Variants in DNAH10 observed in about 807,000 individuals in gnomAD.
The protein encoded by DNAH10 is dynein axonemal heavy chain 10.
In DNAH10, 348 loss-of-function variants were observed where a neutral mutation model predicts 506.6. The observed-to-expected ratio is 0.69, with a 90% CI of 0.63 to 0.75. The LOEUF is 0.75. Among genes scored for constraint, DNAH10 ranks in the 30% least tolerant of loss-of-function variants. The pLI is 0.00. For synonymous variants in DNAH10, 2,059 were observed against 2,198.6 expected (o/e 0.94, Z 1.78); for missense variants, 5,179 against 5,787.1 (o/e 0.89, Z 3.41).
Position 123,931,859 on chromosome 12 carries a change from T to C in DNAH10, c.13128+12T>C. 1 of 1,613,536 alleles carries C rather than the reference T, an allele frequency of 6.2e-7. No homozygotes were observed. Among genetic ancestry groups the C allele is most frequent in the Non-Finnish European group, 8.5e-7 (1 of 1,179,486 alleles). ...CTGAACTTCAAAGGGTGAGCCTGTC[T>C]CTCATGTGCAGATTACTGCCTAGAT... is the stretch of plus-strand genomic sequence containing the variant. On this transcript the variant is annotated intron_variant, in intron 75 of 78. Coordinates refer to ENST00000673944, the MANE Select transcript of DNAH10 (RefSeq NM_001372106.1).
chr12:123,825,244 G>A (rs929066067), intron 24 of DNAH10, among the ~76,000 whole-genome samples: 1 of 152,144 alleles, frequency 6.6e-6, no homozygotes, highest in Admixed American at 6.6e-5. Flanking sequence ...AAAAATCAAT[G>A]GAGTGTGGCC....
At chr12:123,883,285 T>G (rs1178932843) in intron 51 of DNAH10, among the ~76,000 whole-genome samples, 1 of 152,226 alleles carries the variant, frequency 6.6e-6, no homozygotes, top group African/African-American at 2.4e-5. Flanking sequence ...TTGAGGAACC[T>G]CCAGGGTGTG....
In DNAH10 at chr12:123,918,867, G is replaced by A. The variant is rs1954604854; in HGVS notation, c.11424G>A (p.Ser3808=). The A allele has an allele frequency of 6.2e-7, 1 of 1,613,842 alleles. No homozygotes were observed. The highest frequency in any genetic ancestry group is 8.5e-7 in the Non-Finnish European group (1 of 1,179,888). Residue 3808 remains serine (S), a synonymous_variant, in exon 65 of 79, where the codon TCG becomes TCA. Coordinates refer to ENST00000673944, the MANE Select transcript of DNAH10 (RefSeq NM_001372106.1). ...LEVFRLSLKK[S]LPDSILMKRL... ...TCTTCAGGCTGTCACTGAAGAAGTC[G>A]CTGCCTGATTCCATCCTCATGAAAC...
Position 123,918,820 on chromosome 12 carries a change from T to A in DNAH10, c.11377T>A (p.Ser3793Thr). 1 of 1,613,978 alleles carries A rather than the reference T, an allele frequency of 6.2e-7. No homozygotes were observed. The highest frequency in any genetic ancestry group is 8.5e-7 in the Non-Finnish European group (1 of 1,179,884). ...MALVNSMYQYSLIAFLEVFRL... is the reference protein window; with the variant it reads ...MALVNSMYQYTLIAFLEVFRL... Reference sequence around the variant, plus strand: ...CCTGGTGAACTCCATGTACCAGTACTCCCTGATTGCCTTCTTAGAGGTCTT... The same window carrying A: ...CCTGGTGAACTCCATGTACCAGTACACCCTGATTGCCTTCTTAGAGGTCTT... Residue 3793 changes from serine to threonine, a missense_variant, in exon 65 of 79, where the codon TCC becomes ACC. Ser to Thr is a moderately conservative substitution (Grantham distance 58). Around this residue, in one of 3 missense-constraint regions of DNAH10, gnomAD observed 4,844 missense variants for 5,430.5 expected, o/e 0.89. Coordinates refer to ENST00000673944, the MANE Select transcript of DNAH10 (RefSeq NM_001372106.1).
In DNAH10 at chr12:123,926,851, C is replaced by T. The variant is rs772792601; in HGVS notation, c.12105+31C>T. On this transcript the variant is annotated intron_variant, in intron 69 of 78. Transcript: ENST00000673944. This position sits in a 1 kb window ranked among gnomAD's most constrained non-coding sequence, Gnocchi z 4.1. Reference sequence around the variant, plus strand: ...TTGTGGCTGAAAGGAACAAGCTCTACGTTTAGGGGAGGTCCCTGGTGTCTG... The same window carrying T: ...TTGTGGCTGAAAGGAACAAGCTCTATGTTTAGGGGAGGTCCCTGGTGTCTG... 13 of 1,609,354 alleles carry T rather than the reference C, an allele frequency of 8.1e-6. No homozygotes were observed. The highest frequency in any genetic ancestry group is 2.2e-5 in the East Asian group (1 of 44,826).
chr12:123,866,176 C>T (rs981897313), intron 41 of DNAH10, 103 bp downstream of exon 41: 7 of 909,736 alleles, frequency 7.7e-6, no homozygotes, highest in Admixed American at 3.8e-5. Context: ...TGACTTTGTC[C>T]TTGACCTGCC....
chr12:123,885,104 G>A (rs999054163), intron 51 of DNAH10, among the ~76,000 whole-genome samples: 10 of 152,158 alleles, frequency 6.6e-5, no homozygotes, highest in African/African-American at 2.4e-4. Flanking sequence ...TGACCCCATC[G>A]TTAAGTTGAG....
intron 1 of DNAH10, among the ~76,000 whole-genome samples, chr12:123,763,533 C>T (rs1045547598): frequency 5.3e-5 from 8 of 150,412 alleles, no homozygotes; most frequent in Middle Eastern, 3.4e-3. Context: ...AGGTACCAGG[C>T]AGATTCATTT....
At position 123,813,307 on chromosome 12, in the gene DNAH10, T is replaced by C; in HGVS notation, c.3288T>C (p.Asn1096=). 6 of 1,614,178 alleles carry C rather than the reference T, an allele frequency of 3.7e-6. No individual in the cohort carries two copies. The highest frequency in any genetic ancestry group is 2.2e-5 in the South Asian group (2 of 91,084). ...IIEQAVMIPQ[N]VHRILINLMK... ...AACAAGCTGTTATGATCCCCCAAAA[T>C]GTCCACAGGATTCTGATCAATCTTA... Residue 1096 remains asparagine, a synonymous_variant, in exon 20 of 79, where the codon AAT becomes AAC. Transcript: ENST00000673944.
rs766527735 is a variant in DNAH10, at chr12:123,783,991, T to C, written c.1044T>C (p.Asn348=). The C allele has an allele frequency of 6.2e-7, 1 of 1,614,102 alleles. No homozygotes were observed. Among genetic ancestry groups the C allele is most frequent in the Non-Finnish European group, 8.5e-7 (1 of 1,180,052 alleles). Residue 348 remains asparagine, a synonymous_variant, in exon 8 of 79, where the codon AAT becomes AAC. Coordinates refer to ENST00000673944, the MANE Select transcript of DNAH10 (RefSeq NM_001372106.1). Reference sequence around the variant, plus strand: ...AAATTGAATTCTGGAGGGAAAGAAATGCAACCTTAAGTGCGCTGCATGAAC... The same window carrying C: ...AAATTGAATTCTGGAGGGAAAGAAACGCAACCTTAAGTGCGCTGCATGAAC... ...LAEIEFWRER[N]ATLSALHEQT... is the part of the protein sequence containing the mutation.
rs1311922617 is a variant in DNAH10 at position 123,783,104 on chromosome 12, T to G, written c.842-3T>G. On this transcript the variant is annotated splice_region_variant and splice_polypyrimidine_tract_variant and intron_variant, in intron 6 of 78. Transcript: ENST00000673944. The stretch of plus-strand genomic sequence containing the variant: ...GACTGACTGATCACTTTTATTTTCC[T>G]AGGTGAGATCAAGTTAGAAATGCCA... 1 of 1,614,008 alleles carries G rather than the reference T, an allele frequency of 6.2e-7. No individual in the cohort carries two copies.
rs765451790 is a variant in DNAH10 at position 123,923,882 on chromosome 12, T to C, written c.11611+15T>C. The C allele has an allele frequency of 1.3e-6, 2 of 1,559,204 alleles. No homozygotes were observed. The highest frequency in any genetic ancestry group is 2.3e-5 in the South Asian group (2 of 86,666). ...CTTTTTAAAAGGTAATGAATTTGCCTAGCTTCATTCCTCCCATCTCCTTGC... is the reference window on the plus strand; with the variant it reads ...CTTTTTAAAAGGTAATGAATTTGCCCAGCTTCATTCCTCCCATCTCCTTGC... On this transcript the variant is annotated intron_variant, in intron 66 of 78. Coordinates refer to ENST00000673944, the MANE Select transcript of DNAH10 (RefSeq NM_001372106.1).
rs570033112 is a variant in DNAH10, at chr12:123,917,494, C to T, written c.11003-90C>T. 50 of 1,332,814 alleles carry T rather than the reference C, an allele frequency of 3.8e-5. No homozygotes were observed. The East Asian group carries it at 6.0e-4, about 16-fold the overall frequency. 82.6% of individuals were successfully genotyped at this position (1,332,814 alleles called of 1,614,324 possible). ...TGCCTCTGGCCTGCTGGCTGAGACC[C>T]GCGCTAAGCTTGTCCCGTCACAGCA... On this transcript the variant is annotated intron_variant, in intron 63 of 78. Transcript: ENST00000673944. This position sits in a 1 kb window ranked among gnomAD's most constrained non-coding sequence, Gnocchi z 5.6.
chr12:123,786,684 C>CACACACACACACAT (rs1957869203), intron 9 of DNAH10, among the ~76,000 whole-genome samples: 1 of 438 alleles, frequency 2.3e-3, no homozygotes, highest in African/African-American at 0.011. Context: ...TGTGTGTGCA[C>CACACACACACACAT]ACACATATAT....
intron 32 of DNAH10, among the ~76,000 whole-genome samples, chr12:123,847,263 T>TATCTATCTATCC (rs1184155104): frequency 5.1e-5 from 6 of 118,096 alleles, no homozygotes; most frequent in South Asian, 2.8e-4. Context: ...TCTATCTATC[T>TATCTATCTATCC]ATCCATCCAT....
chr12:123,924,252 G>A, intron 66 of DNAH10, 26 bp from the exon 67 acceptor site: 1 of 1,585,976 alleles, frequency 6.3e-7, no homozygotes, highest in East Asian at 2.3e-5. Context: ...TACAATGGCT[G>A]CTTGCTTCTC....
At chr12:123,799,413 G>C (rs113260327) in intron 14 of DNAH10, 42 bp downstream of exon 14, 1 of 1,586,538 alleles carries the variant, frequency 6.3e-7, no homozygotes, top group Non-Finnish European at 8.6e-7. Context: ...CGCGTGAGAC[G>C]ATGGCGTCTG....
At chr12:123,775,152 G>A (rs944096203) in intron 5 of DNAH10, among the ~76,000 whole-genome samples, 1 of 152,052 alleles carries the variant, frequency 6.6e-6, no homozygotes, top group East Asian at 1.9e-4. Flanking sequence ...GGGTCTCTCC[G>A]CCATCCAGTC....
Position 123,787,342 on chromosome 12 carries a change from G to T in DNAH10, c.1422-462G>T, listed in dbSNP as rs1452441449. On this transcript the variant is annotated intron_variant, in intron 9 of 78. Transcript: ENST00000673944. This position sits in a 1 kb window ranked among gnomAD's most constrained non-coding sequence, Gnocchi z 4.6. ...ACTATATGACTTTTTGTTATCTATA[G>T]ATAGATATCTATATCTATATGTATC... is the stretch of plus-strand genomic sequence containing the variant. Among the ~76,000 whole-genome samples, 1 of 151,792 alleles carries T rather than the reference G, an allele frequency of 6.6e-6. No homozygotes were observed. Among genetic ancestry groups the T allele is most frequent in the East Asian group, 1.9e-4 (1 of 5,170 alleles).
Sources: gnomAD v4.1 joint callset for allele counts (sites outside exome capture counted in the v4.1 genomes callset) on GRCh38, gnomAD v4.1.1 for gene constraint, gnomAD v4.1.1 regional missense constraint, Gnocchi (gnomAD v3.1) non-coding constraint, MANE v1.5 for transcripts, NCBI Gene and HGNC (gene_info 2026-07-23, HGNC 2026-07-21) for gene names.